Variants in UTP20 observed in about 807,000 individuals in gnomAD.
UTP20 encodes UTP20 small subunit processome component.
Under a neutral mutation model 329.5 loss-of-function variants are expected in UTP20, and 164 were observed. The observed-to-expected ratio is 0.50, with a 90% CI of 0.44 to 0.57. The LOEUF is 0.57. Ranked by LOEUF, UTP20 falls within the 20% of genes least tolerant of loss-of-function variation. The pLI, the probability that UTP20 is intolerant of heterozygous loss-of-function variation, is 0.00. For synonymous variants in UTP20, 1,151 were observed against 1,159.3 expected, an observed-to-expected ratio of 0.99 and a Z score of 0.14; for missense variants, 3,055 against 3,284.2, an observed-to-expected ratio of 0.93 and a Z score of 1.71.
intron 27 of UTP20, among the ~76,000 whole-genome samples, chr12:101,331,781 G>A (rs1868769380): frequency 6.6e-6 from 1 of 152,052 alleles, no homozygotes; most frequent in Admixed American, 6.6e-5. Context: ...TTTTAATGTA[G>A]GTAATTAAGG....
rs369272172 is a variant in UTP20 at position 101,373,443 on chromosome 12, C to T, written c.6921C>T (p.Ile2307=). Residue 2307 remains isoleucine, a synonymous_variant, in exon 53 of 62, where the codon ATC becomes ATT. Coordinates refer to ENST00000261637, the MANE Select transcript of UTP20 (RefSeq NM_014503.3). ...ETGRESTLEM[I]AYLFDTFPQG... The stretch of plus-strand genomic sequence containing the variant: ...GGAGAGAGTCCACCTTGGAAATGAT[C>T]GCCTATCTCTTTGACACGTTCCCTC... The T allele has an allele frequency of 6.2e-6, 10 of 1,614,044 alleles. No homozygotes were observed. Among genetic ancestry groups the T allele is most frequent in the East Asian group, 2.2e-5 (1 of 44,888 alleles).
chr12:101,354,696 ACTTAC>A, intron 40 of UTP20, 131 bp from the exon 41 acceptor site: 1 of 872,474 alleles, frequency 1.1e-6, no homozygotes, highest in East Asian at 2.5e-5. Flanking sequence ...TTTCCTCAGC[ACTTAC>A]CTTGCCTGCC....
At chr12:101,281,543 C>T (rs1871797817) in intron 2 of UTP20, among the ~76,000 whole-genome samples, 1 of 152,154 alleles carries the variant, frequency 6.6e-6, no homozygotes, top group African/African-American at 2.4e-5. Context: ...CCAAGCACTG[C>T]TGCAGATCCA....
At position 101,329,319 on chromosome 12, in the gene UTP20, G is replaced by T. The variant is rs772982542; in HGVS notation, c.3287G>T (p.Gly1096Val). The change falls in exon 27 of 62, where the codon GGT (glycine) becomes GTT (valine). Residue 1096 changes from glycine to valine, a missense_variant. By Grantham distance (109) the Gly-to-Val change is moderately radical. Coordinates refer to ENST00000261637, the MANE Select transcript of UTP20 (RefSeq NM_014503.3). ...GTTCTTCCTTTAGGTCGTCAGCACGGTATCTTAAACAGCCTTGAGATAGTA... is the reference window on the plus strand; with the variant it reads ...GTTCTTCCTTTAGGTCGTCAGCACGTTATCTTAAACAGCCTTGAGATAGTA... ...SKVLPLGRQH[G>V]ILNSLEIVLK... 1.2e-5 allele frequency: 20 copies of T among 1,613,964 alleles called. No homozygotes were observed. Among genetic ancestry groups the T allele is most frequent in the Non-Finnish European group, 1.7e-6 (2 of 1,180,038 alleles).
intron 32 of UTP20, among the ~76,000 whole-genome samples, chr12:101,341,195 C>T (rs1424385570): frequency 6.6e-6 from 1 of 152,022 alleles, no homozygotes; most frequent in African/African-American, 2.4e-5. Flanking sequence ...CCAGGCTGGC[C>T]TGGAACTCCT....
intron 44 of UTP20, 131 bp from the exon 45 acceptor site, chr12:101,363,445 C>T: frequency 4.2e-6 from 3 of 720,268 alleles, no homozygotes; most frequent in East Asian, 2.9e-5. Context: ...AAATTTCTTC[C>T]ATCTAATTTG....
Position 101,383,160 on chromosome 12 carries a change from G to A in UTP20, c.7776G>A (p.Val2592=), listed in dbSNP as rs145869420. The part of the protein sequence containing the change: ...LEEQEALEDG[V]ACADEKAESD... ...AACAAGAAGCTTTAGAAGATGGTGT[G>A]GCCTGTGCAGATGAGAAGGCGGAGT... The change falls in exon 59 of 62, where the codon GTG becomes GTA. Residue 2592 remains valine (V), a synonymous_variant. Coordinates refer to ENST00000261637, the MANE Select transcript of UTP20 (RefSeq NM_014503.3). 1,536 of 1,613,766 alleles carry A rather than the reference G, an allele frequency of 9.5e-4. 1 individual carries two copies. The highest frequency in any genetic ancestry group is 1.2e-3 in the Non-Finnish European group (1,377 of 1,179,838).
chr12:101,292,263 CAAAAT>C (rs1872183366), intron 10 of UTP20, among the ~76,000 whole-genome samples, 159 bp downstream of exon 10: 1 of 151,994 alleles, frequency 6.6e-6, no homozygotes, highest in Non-Finnish European at 1.5e-5. Flanking sequence ...TGTAAATAAA[CAAAAT>C]AAAGTGTGAT....
At chr12:101,352,008 A>G (rs1381567366) in intron 38 of UTP20, 47 bp from the exon 39 acceptor site, 1 of 1,601,930 alleles carries the variant, frequency 6.2e-7, no homozygotes, top group Admixed American at 1.7e-5. Flanking sequence ...CTTGCATTTT[A>G]TTAGCAAATA....
chr12:101,370,692 G>A, intron 50 of UTP20, 129 bp downstream of exon 50: 1 of 1,026,850 alleles, frequency 9.7e-7, no homozygotes. Flanking sequence ...AGATTATTAT[G>A]ATTTTGGTGG....
At chr12:101,368,896 G>A (rs565080326) in intron 48 of UTP20, among the ~76,000 whole-genome samples, 1 of 150,376 alleles carries the variant, frequency 6.6e-6, no homozygotes, top group East Asian at 1.9e-4. Flanking sequence ...TCGCTCTTCT[G>A]TGTCTTAATC....
At chr12:101,364,700 T>C (rs1265763762) in intron 45 of UTP20, among the ~76,000 whole-genome samples, 1 of 152,170 alleles carries the variant, frequency 6.6e-6, no homozygotes, top group Non-Finnish European at 1.5e-5. Context: ...AAGAGCACTA[T>C]CTATTGACAT....
chr12:101,374,687 C>G, intron 54 of UTP20, 121 bp from the exon 55 acceptor site: 1 of 624,264 alleles, frequency 1.6e-6, no homozygotes, highest in South Asian at 3.1e-5. Context: ...TTTCTGGCAT[C>G]AGAAAGAAAT....
At chr12:101,304,128 A>C (rs1390085937) in intron 15 of UTP20, among the ~76,000 whole-genome samples, 3 of 152,204 alleles carry the variant, frequency 2.0e-5, no homozygotes, top group Admixed American at 1.3e-4. Flanking sequence ...GTTGTCCAAC[A>C]GGAGTGGCTC....
Position 101,354,999 on chromosome 12 carries a change from A to G in UTP20, c.5275A>G (p.Thr1759Ala). Residue 1759 changes from threonine (T) to alanine (A), a missense_variant, in exon 41 of 62, where the codon ACA becomes GCA. Physicochemically the swap from Thr to Ala is moderately conservative, Grantham distance 58. Transcript: ENST00000261637. ...GTSAKESECITKPVSFLPQNK... is the reference protein window; with the variant it reads ...GTSAKESECIAKPVSFLPQNK... Reference sequence around the variant, plus strand: ...ATCAGCTAAAGAATCCGAGTGTATCACAAAGCCTGTCTCTTTCCTTCCTCA... The same window carrying G: ...ATCAGCTAAAGAATCCGAGTGTATCGCAAAGCCTGTCTCTTTCCTTCCTCA... The G allele has an allele frequency of 1.9e-6, 3 of 1,614,228 alleles. No individual in the cohort carries two copies. The highest frequency in any genetic ancestry group is 2.2e-5 in the South Asian group (2 of 91,082).
chr12:101,335,336 A>T (rs1430702877), intron 29 of UTP20, among the ~76,000 whole-genome samples: 1 of 152,248 alleles, frequency 6.6e-6, no homozygotes, highest in African/African-American at 2.4e-5. Context: ...ATTAGAATTG[A>T]TAGAGATGTT....
intron 38 of UTP20, among the ~76,000 whole-genome samples, chr12:101,349,462 G>A (rs1487909102): frequency 2.7e-5 from 4 of 150,744 alleles, no homozygotes; most frequent in Admixed American, 6.6e-5. Flanking sequence ...ACCCAGGCTG[G>A]AGTGAGAATG....
chr12:101,312,767 C>T (rs1031363835), intron 21 of UTP20, among the ~76,000 whole-genome samples: 1 of 152,172 alleles, frequency 6.6e-6, no homozygotes, highest in Non-Finnish European at 1.5e-5. Context: ...ACATCTGTCA[C>T]GTTTTCAAAT....
At chr12:101,309,679 C>A in intron 18 of UTP20, 84 bp from the exon 19 acceptor site, 1 of 1,371,346 alleles carries the variant, frequency 7.3e-7, no homozygotes, top group Non-Finnish European at 1.0e-6. Flanking sequence ...TCAGGTTGTC[C>A]AACTTGGGAT....
Sources: gnomAD v4.1 joint callset for allele counts (sites outside exome capture counted in the v4.1 genomes callset) on GRCh38, gnomAD v4.1.1 for gene constraint, MANE v1.5 for transcripts, NCBI Gene and HGNC (gene_info 2026-07-23, HGNC 2026-07-21) for gene names.